Variants in SHROOM3 observed in about 807,000 individuals in gnomAD.
The protein encoded by SHROOM3 is protein Shroom3.
SHROOM3 carries 47 observed loss-of-function variants against 138.6 expected under a neutral mutation model. The ratio of observed to expected loss-of-function variants is 0.34; its 90% confidence interval spans 0.27 to 0.43. The LOEUF (loss-of-function observed/expected upper bound fraction) is 0.43. Among genes scored for constraint, SHROOM3 ranks in the 20% least tolerant of loss-of-function variants. The pLI is 1.00. For synonymous variants in SHROOM3, 1,062 were observed against 1,063.3 expected, an observed-to-expected ratio of 1.00 and a Z score of 0.02; for missense variants, 2,491 against 2,596.5, an observed-to-expected ratio of 0.96 and a Z score of 0.88.
chr4:76,671,161 A>G (rs1431138454), intron 2 of SHROOM3, among the ~76,000 whole-genome samples: 1 of 152,140 alleles, frequency 6.6e-6, no homozygotes, highest in East Asian at 1.9e-4. Context: ...AAACAAACCA[A>G]GCAGACCCCT....
chr4:76,532,088 T>C (rs1732841534), intron 1 of SHROOM3: 1 of 129,330 alleles, frequency 7.7e-6, no homozygotes, highest in Non-Finnish European at 1.6e-5. Context: ...CCCTGGTGTC[T>C]GATGTTCCCC....
At position 76,730,823 on chromosome 4, in the gene SHROOM3, C is replaced by A. The variant is rs746778402; in HGVS notation, c.475C>A (p.Arg159=). 1 of 1,613,986 alleles carries A rather than the reference C, an allele frequency of 6.2e-7. No individual in the cohort carries two copies. Among genetic ancestry groups the A allele is most frequent in the East Asian group, 2.2e-5 (1 of 44,858 alleles). Residue 159 remains arginine, a synonymous_variant, in exon 4 of 11, where the codon CGA becomes AGA. Coordinates refer to ENST00000296043, the MANE Select transcript of SHROOM3 (RefSeq NM_020859.4). ...CCCCAGGCGCAGTGAGCCTGCAGGCCGACCTCACTCGTGGCACACAACTAA... is the reference window on the plus strand; with the variant it reads ...CCCCAGGCGCAGTGAGCCTGCAGGCAGACCTCACTCGTGGCACACAACTAA... The part of the protein sequence containing the change: ...LKHRRSEPAG[R]PHSWHTTKSG...
At chr4:76,720,018 C>A (rs1553941414) in intron 3 of SHROOM3, among the ~76,000 whole-genome samples, 1 of 152,198 alleles carries the variant, frequency 6.6e-6, no homozygotes, top group African/African-American at 2.4e-5. Flanking sequence ...AACAACTTTT[C>A]TTTCCAGAAG....
At chr4:76,488,543 T>C (rs1731785142) in intron 1 of SHROOM3, among the ~76,000 whole-genome samples, 1 of 152,202 alleles carries the variant, frequency 6.6e-6, no homozygotes, top group Non-Finnish European at 1.5e-5. Flanking sequence ...TTGGCCAGAT[T>C]TCTTGAGAAT....
At chr4:76,711,165 G>A (rs1720218830) in intron 3 of SHROOM3, among the ~76,000 whole-genome samples, 1 of 152,176 alleles carries the variant, frequency 6.6e-6, no homozygotes, top group African/African-American at 2.4e-5. Flanking sequence ...GATGGGGTTT[G>A]TGCAGTGTCA....
In SHROOM3 at chr4:76,541,125, A is replaced by C. The variant is rs1018858077; in HGVS notation, c.169-14484A>C. 1.1e-4 allele frequency among the ~76,000 whole-genome samples: 16 copies of C among 152,258 alleles called. No individual in the cohort carries two copies. The South Asian group carries it at 3.3e-3, about 32-fold the overall frequency. On this transcript the variant is annotated intron_variant, in intron 1 of 10. Transcript: ENST00000296043. The stretch of plus-strand genomic sequence containing the variant: ...AAAACGTTTTACATATACATCCCCT[A>C]TATGTACGTTATAATAGATGTTCTA...
chr4:76,553,192 G>A (rs1177495242), intron 1 of SHROOM3, among the ~76,000 whole-genome samples: 2 of 152,104 alleles, frequency 1.3e-5, no homozygotes, highest in Non-Finnish European at 2.9e-5. Flanking sequence ...TCGCTCTGTC[G>A]CCTAGGCTGG....
intron 2 of SHROOM3, among the ~76,000 whole-genome samples, chr4:76,707,888 C>A (rs945006618): frequency 3.9e-5 from 6 of 151,926 alleles, no homozygotes; most frequent in Non-Finnish European, 7.4e-5. Flanking sequence ...GCTGGTGATT[C>A]TAGCACTCTC....
At chr4:76,610,233 G>A (rs888629072) in intron 2 of SHROOM3, among the ~76,000 whole-genome samples, 4 of 152,200 alleles carry the variant, frequency 2.6e-5, no homozygotes, top group East Asian at 1.9e-4. Flanking sequence ...TTCAGAAAAT[G>A]TTTACTTTTT....
chr4:76,775,321 GGTGTGT>G (rs57294282), intron 10 of SHROOM3, among the ~76,000 whole-genome samples: 7 of 149,110 alleles, frequency 4.7e-5, no homozygotes, highest in Non-Finnish European at 7.4e-5. Flanking sequence ...TAGTCCATGG[GGTGTGT>G]GTGTGTGTGT....
At chr4:76,755,319 G>C in intron 7 of SHROOM3, 127 bp downstream of exon 7, 3 of 1,153,380 alleles carry the variant, frequency 2.6e-6, no homozygotes, top group Non-Finnish European at 3.7e-6. Flanking sequence ...CTCAGCTCAG[G>C]ACACTGTTGA....
At chr4:76,534,907 A>G (rs967557927) in intron 1 of SHROOM3, among the ~76,000 whole-genome samples, 5 of 152,076 alleles carry the variant, frequency 3.3e-5, no homozygotes, top group Non-Finnish European at 5.9e-5. Context: ...CTTAAGGACC[A>G]TGGAAAAGAT....
intron 2 of SHROOM3, among the ~76,000 whole-genome samples, chr4:76,675,162 G>A (rs1240970648): frequency 6.6e-6 from 1 of 152,174 alleles, no homozygotes; most frequent in Non-Finnish European, 1.5e-5. Flanking sequence ...ATAGACCAGA[G>A]ATAAACAAGG....
At chr4:76,676,730 C>T (rs1224099907) in intron 2 of SHROOM3, among the ~76,000 whole-genome samples, 1 of 151,822 alleles carries the variant, frequency 6.6e-6, no homozygotes, top group Non-Finnish European at 1.5e-5. Flanking sequence ...AACTCTGACC[C>T]TTGGAGAGCG....
In SHROOM3 at chr4:76,693,910, ATCT is replaced by A. The variant is rs1382960436; in HGVS notation, c.324-16242_324-16240del. Among the ~76,000 whole-genome samples, 3 of 150,656 alleles carry A rather than the reference ATCT, an allele frequency of 2.0e-5. No homozygotes were observed. In the East Asian group the frequency reaches 5.8e-4, roughly 29 times the overall value. On this transcript the variant is annotated intron_variant, in intron 2 of 10. Coordinates refer to ENST00000296043, the MANE Select transcript of SHROOM3 (RefSeq NM_020859.4). The stretch of plus-strand genomic sequence containing the variant: ...TGAGCTCCCAGATGAGGCTCACAAC[ATCT>A]TCTGGGAATCCAAATGAAAGGTTAA...
intron 1 of SHROOM3, among the ~76,000 whole-genome samples, chr4:76,519,328 C>T (rs982818947): frequency 1.3e-5 from 2 of 152,104 alleles, no homozygotes; most frequent in Non-Finnish European, 2.9e-5. Flanking sequence ...GACCAAGAGG[C>T]CCCAGTTTAC....
chr4:76,683,932 C>CA (rs1719265960), intron 2 of SHROOM3, among the ~76,000 whole-genome samples: 1 of 151,998 alleles, frequency 6.6e-6, no homozygotes, highest in Non-Finnish European at 1.5e-5. Flanking sequence ...CCTGCAATGC[C>CA]ACTCTCCAAG....
intron 2 of SHROOM3, among the ~76,000 whole-genome samples, chr4:76,697,917 A>G (rs780300421): frequency 1.3e-5 from 2 of 152,224 alleles, no homozygotes; most frequent in African/African-American, 2.4e-5. Context: ...TCAAGCATTT[A>G]TGACACTACC....
intron 4 of SHROOM3, 71 bp downstream of exon 4, chr4:76,731,006 C>A: frequency 6.3e-7 from 1 of 1,595,394 alleles, no homozygotes; most frequent in Non-Finnish European, 8.6e-7. Context: ...AGAATGTTTT[C>A]TTCTCTGTTT....
Sources: allele counts gnomAD v4.1 joint callset (sites outside exome capture counted in the v4.1 genomes callset), GRCh38; gene constraint gnomAD v4.1.1; transcripts MANE v1.5; gene names NCBI Gene and HGNC (gene_info 2026-07-23, HGNC 2026-07-21).